The following SPMAP2L variants were observed in gnomAD, a reference collection of about 807,000 sequenced individuals.
The protein encoded by SPMAP2L is sperm microtubule associated protein 2-like.
chr4:56,589,259 G>C, the SPMAP2L span, among the ~76,000 whole-genome samples: 3 of 152,252 alleles, frequency 2.0e-5, no homozygotes, highest in East Asian at 5.8e-4. Context: ...AAAGTGCTGG[G>C]ATTACAGGTG....
At chr4:56,587,574 T>C in the SPMAP2L span, among the ~76,000 whole-genome samples, 2 of 151,872 alleles carry the variant, frequency 1.3e-5, no homozygotes, top group Admixed American at 1.3e-4. Context: ...CAGTGTTTGG[T>C]TTTTCATTCT....
At chr4:56,620,435 G>A in the SPMAP2L span, among the ~76,000 whole-genome samples, 2 of 150,198 alleles carry the variant, frequency 1.3e-5, no homozygotes, top group African/African-American at 4.9e-5. Context: ...GCCCAGGCTG[G>A]AAGTGCAACA....
At chr4:56,584,394 G>A in the SPMAP2L span, 1 of 689,136 alleles carries the variant, frequency 1.5e-6, no homozygotes, top group East Asian at 2.7e-5. Context: ...TAAGATAGAA[G>A]CAGTGTATAT....
the SPMAP2L span, chr4:56,596,760 AAG>A: frequency 1.9e-6 from 2 of 1,026,540 alleles, no homozygotes; most frequent in Non-Finnish European, 2.6e-6. Flanking sequence ...CTGTGGCAGG[AAG>A]AGAGACTAGC....
chr4:56,563,090 C>CTTTTTT, the SPMAP2L span, among the ~76,000 whole-genome samples: 33 of 98,276 alleles, frequency 3.4e-4, no homozygotes, highest in African/African-American at 4.4e-4. Flanking sequence ...GTTGTTAAGG[C>CTTTTTT]TTTTTTTTTT....
the SPMAP2L span, among the ~76,000 whole-genome samples, chr4:56,573,921 C>T: frequency 6.6e-6 from 1 of 152,166 alleles, no homozygotes; most frequent in Non-Finnish European, 1.5e-5. Flanking sequence ...TTTACAGCTG[C>T]AACCAGCAGA....
chr4:56,616,733 C>T, the SPMAP2L span, among the ~76,000 whole-genome samples: 700 of 152,292 alleles, frequency 4.6e-3, 4 homozygotes, highest in African/African-American at 0.016. Flanking sequence ...ACTTCAGACT[C>T]TCTGCTGAAT....
chr4:56,620,213 C>T, the SPMAP2L span, among the ~76,000 whole-genome samples: 2 of 152,232 alleles, frequency 1.3e-5, no homozygotes, highest in Non-Finnish European at 2.9e-5. Context: ...CTGGGGCTTG[C>T]ACAGCCAGAA....
the SPMAP2L span, among the ~76,000 whole-genome samples, chr4:56,534,071 C>T: frequency 2.0e-5 from 3 of 152,164 alleles, no homozygotes; most frequent in Non-Finnish European, 4.4e-5. Flanking sequence ...TGTGCCCGTC[C>T]AGGTACCATG....
chr4:56,536,002 C>T, the SPMAP2L span, among the ~76,000 whole-genome samples: 5 of 152,230 alleles, frequency 3.3e-5, no homozygotes, highest in Non-Finnish European at 5.9e-5. Context: ...CCCTCACATG[C>T]GCACGCGCAG....
chr4:56,602,177 G>A, the SPMAP2L span, among the ~76,000 whole-genome samples: 1 of 152,066 alleles, frequency 6.6e-6, no homozygotes, highest in African/African-American at 2.4e-5. Context: ...ACTTGCCCGA[G>A]CCTCAATTAA....
the SPMAP2L span, among the ~76,000 whole-genome samples, chr4:56,623,399 TTATC>T: frequency 6.6e-6 from 1 of 152,208 alleles, no homozygotes. Flanking sequence ...CTTTCAAGCT[TTATC>T]TGTGTTCTCC....
the SPMAP2L span, chr4:56,593,647 C>A: frequency 1.0e-5 from 16 of 1,605,004 alleles, no homozygotes; most frequent in Admixed American, 1.7e-5. Flanking sequence ...GGGGACCCCA[C>A]GCAGCATTTT....
chr4:56,538,069 G>A, the SPMAP2L span, among the ~76,000 whole-genome samples: 8 of 152,152 alleles, frequency 5.3e-5, no homozygotes, highest in Non-Finnish European at 1.2e-4. Flanking sequence ...TATGGCTACC[G>A]CAGCCAGAGT....
the SPMAP2L span, among the ~76,000 whole-genome samples, chr4:56,587,946 G>C: frequency 1.3e-5 from 2 of 152,186 alleles, no homozygotes; most frequent in African/African-American, 4.8e-5. Flanking sequence ...CAGTGTAGAA[G>C]TGTTCCCTGA....
At chr4:56,559,504 C>T in the SPMAP2L span, 31,317 of 1,523,868 alleles carry the variant, frequency 0.021, 416 homozygotes, top group Non-Finnish European at 0.022. Context: ...AGTTTCCTGC[C>T]ACTATGTACC....
At chr4:56,543,891 AGAGAGT>A in the SPMAP2L span, among the ~76,000 whole-genome samples, 48 of 123,784 alleles carry the variant, frequency 3.9e-4, no homozygotes, top group African/African-American at 1.2e-3. Context: ...AGAGAGAGAG[AGAGAGT>A]GTGTGTGTGT....
chr4:56,560,595 T>A, the SPMAP2L span, among the ~76,000 whole-genome samples: 1 of 152,176 alleles, frequency 6.6e-6, no homozygotes, highest in South Asian at 2.1e-4. Flanking sequence ...CAAGTTTGTA[T>A]CATTTTTTAA....
chr4:56,577,568 A>T, the SPMAP2L span, among the ~76,000 whole-genome samples: 1 of 152,150 alleles, frequency 6.6e-6, no homozygotes, highest in Non-Finnish European at 1.5e-5. Context: ...CCTGAGCCAC[A>T]GAGTGAGACT....
Sources: gnomAD v4.1 joint callset for allele counts (sites outside exome capture counted in the v4.1 genomes callset) on GRCh38, gnomAD v4.1.1 for gene constraint, MANE v1.5 for transcripts, NCBI Gene and HGNC (gene_info 2026-07-23, HGNC 2026-07-21) for gene names.